HDGFL3: variants seen among roughly 807,000 people sequenced by gnomAD.
HDGFL3 encodes HDGF like 3, also known as hepatoma-derived growth factor-related protein 3.
A neutral mutation model predicts 27.6 loss-of-function variants in HDGFL3; 6 were observed. That is an observed-to-expected ratio of 0.22 (90% confidence interval 0.12 to 0.43). HDGFL3 has a LOEUF of 0.43. HDGFL3 is among the 20% of genes least tolerant of loss of function. The pLI, the probability that HDGFL3 is intolerant of heterozygous loss-of-function variation, is 1.00. For missense variants in HDGFL3, 207 were observed against 250.1 expected (o/e 0.83, Z 1.16); for synonymous variants, 88 against 88.9 (o/e 0.99, Z 0.05).
chr15:83,123,652 A>G (rs1167825185), downstream of HDGFL3, among the ~76,000 whole-genome samples: 1 of 152,222 alleles, frequency 6.6e-6, no homozygotes, highest in African/African-American at 2.4e-5. Flanking sequence ...GACACCTTCT[A>G]TGTAAACTCA....
At chr15:83,157,876 G>C in intron 3 of HDGFL3, 27 bp downstream of exon 3, 1 of 1,599,382 alleles carries the variant, frequency 6.3e-7, no homozygotes, top group Non-Finnish European at 8.5e-7. Context: ...ATGAGATATA[G>C]CAAGTGACAA....
At chr15:83,163,811 C>A (rs529837382) in intron 2 of HDGFL3, 188 bp downstream of exon 2, 1 of 549,018 alleles carries the variant, frequency 1.8e-6, no homozygotes, top group African/African-American at 2.0e-5. Flanking sequence ...AGCAAAGATA[C>A]GCTTTTAGTC....
rs1300541974 is a variant in HDGFL3 at position 83,133,282 on chromosome 15, T to C, written c.*5988A>G. ...TATTAGCAAAAGACCCTGGCTATCATCCCAATGGTCACCTAAGTTTTCTGC... is the reference window on the plus strand; with the variant it reads ...TATTAGCAAAAGACCCTGGCTATCACCCCAATGGTCACCTAAGTTTTCTGC... On this transcript the variant is annotated 3_prime_UTR_variant, in exon 6 of 6. Coordinates refer to ENST00000299633, the MANE Select transcript of HDGFL3 (RefSeq NM_016073.4). 6.6e-6 allele frequency: 1 copy of C among 152,218 alleles called. No homozygotes were observed. The highest frequency in any genetic ancestry group is 1.9e-4 in the East Asian group (1 of 5,196). The allele number at this position is 152,218 out of a possible 1,614,324, so 9.4% of individuals were successfully genotyped here.
exon 4 of HDGFL3, chr15:83,114,592 G>A (rs996478449): frequency 3.3e-5 from 5 of 152,654 alleles, no homozygotes; most frequent in African/African-American, 1.2e-4. Flanking sequence ...CTTCTGGGGA[G>A]AATGTGAATG....
At chr15:83,194,346 G>C (rs184584376) in intron 1 of HDGFL3, among the ~76,000 whole-genome samples, 107 of 152,296 alleles carry the variant, frequency 7.0e-4, no homozygotes, top group African/African-American at 2.5e-3. Context: ...GAGGTACCCA[G>C]AGTAGCCCAC....
intron 3 of HDGFL3, among the ~76,000 whole-genome samples, chr15:83,121,760 T>C (rs997144797): frequency 6.6e-6 from 1 of 152,228 alleles, no homozygotes; most frequent in African/African-American, 2.4e-5. Flanking sequence ...TGAAGTTACA[T>C]AACCAGGGCT....
At chr15:83,122,067 G>C in intron 3 of HDGFL3, 4 of 1,277,876 alleles carry the variant, frequency 3.1e-6, no homozygotes. Flanking sequence ...TTTTTAAATA[G>C]AGAAGCTCTT....
intron 4 of HDGFL3, among the ~76,000 whole-genome samples, chr15:83,157,043 T>C (rs1401784631): frequency 6.6e-6 from 1 of 152,196 alleles, no homozygotes; most frequent in Admixed American, 6.5e-5. Flanking sequence ...TGTGATGCAT[T>C]TACACATATA....
At chr15:83,189,641 C>T (rs2037487575) in intron 1 of HDGFL3, 3 of 152,148 alleles carry the variant, frequency 2.0e-5, no homozygotes, top group African/African-American at 7.2e-5. Flanking sequence ...ATTCATATCT[C>T]CCCCTCTAAA....
In HDGFL3 at chr15:83,137,631, T is replaced by C. The variant is rs1348673200; in HGVS notation, c.*1639A>G. The C allele has an allele frequency of 6.6e-6, 1 of 152,154 alleles. No homozygotes were observed. The highest frequency in any genetic ancestry group is 1.5e-5 in the Non-Finnish European group (1 of 67,994). 9.4% of individuals were successfully genotyped at this position (152,154 alleles called of 1,614,324 possible). A position where few individuals can be genotyped will look rare whatever the true frequency, so the allele number is the denominator to read the frequency against. Reference sequence around the variant, plus strand: ...TGAACTTTTCATGTTTGGGATTGTATGTTGAGTATACTAGAGAAAATCAGT... The same window carrying C: ...TGAACTTTTCATGTTTGGGATTGTACGTTGAGTATACTAGAGAAAATCAGT... On this transcript the variant is annotated 3_prime_UTR_variant, in exon 6 of 6. Transcript: ENST00000299633.
intron 1 of HDGFL3, among the ~76,000 whole-genome samples, chr15:83,175,531 G>C (rs1042400783): frequency 1.3e-5 from 2 of 152,088 alleles, no homozygotes; most frequent in African/African-American, 4.8e-5. Flanking sequence ...CTGTTTTCCT[G>C]ACTTTGTATT....
intron 1 of HDGFL3, among the ~76,000 whole-genome samples, chr15:83,183,057 G>T (rs2037399076): frequency 6.6e-6 from 1 of 152,178 alleles, no homozygotes. Context: ...TGAGACTAGT[G>T]TTAACAAATT....
At chr15:83,154,955 G>C (rs920011185) in intron 4 of HDGFL3, among the ~76,000 whole-genome samples, 2 of 152,096 alleles carry the variant, frequency 1.3e-5, no homozygotes, top group Non-Finnish European at 2.9e-5. Context: ...TACTCGCCTG[G>C]ACTCCTGGGC....
chr15:83,171,660 G>A (rs527766382), intron 1 of HDGFL3, among the ~76,000 whole-genome samples: 1 of 151,828 alleles, frequency 6.6e-6, no homozygotes, highest in East Asian at 1.9e-4. Flanking sequence ...AATACCGCAT[G>A]TTCTTACTTG....
At chr15:83,179,086 A>G (rs1408463853) in intron 1 of HDGFL3, 1 of 152,246 alleles carries the variant, frequency 6.6e-6, no homozygotes, top group Admixed American at 6.5e-5. Flanking sequence ...GCCAGTCTGT[A>G]GAATTATTCA....
chr15:83,145,897 C>CTTTTTTTTT lies in HDGFL3; in HGVS notation c.606+5309_606+5317dup, dbSNP rs3082058. ...TTCTCTCTCTCTCCCTTTCTTCTTC[C>CTTTTTTTTT]TTTTTTTTTTTTTTTTTTTTTTTTT... is the stretch of plus-strand genomic sequence containing the variant. On this transcript the variant is annotated intron_variant, in intron 5 of 5. Transcript: ENST00000299633. Among the ~76,000 whole-genome samples, 3 of 49,436 alleles carry CTTTTTTTTT rather than the reference C, an allele frequency of 6.1e-5. 1 individual carries two copies. The highest frequency in any genetic ancestry group is 1.0e-4 in the Non-Finnish European group (3 of 29,348). 32.4% of individuals were successfully genotyped at this position (49,436 alleles called of 152,430 possible).
intron 3 of HDGFL3, chr15:83,119,866 T>C: frequency 1.2e-6 from 1 of 833,512 alleles, no homozygotes; most frequent in Non-Finnish European, 1.8e-6. Context: ...TATGTCCTTC[T>C]GAATTGCTCC....
chr15:83,196,016 C>T lies in HDGFL3; in HGVS notation c.84+11315G>A, dbSNP rs948652733. ...CCATCCTGAAGTTACAAGTTATACA[C>T]ATTTATGTGCCAAATAAAGCCCTGA... On this transcript the variant is annotated intron_variant, in intron 1 of 5. Coordinates refer to ENST00000299633, the MANE Select transcript of HDGFL3 (RefSeq NM_016073.4). 2.0e-5 allele frequency among the ~76,000 whole-genome samples: 3 copies of T among 152,014 alleles called. No homozygotes were observed. In the South Asian group the frequency reaches 6.2e-4, roughly 32 times the overall value.
At chr15:83,143,607 A>G (rs2036828046) in intron 5 of HDGFL3, among the ~76,000 whole-genome samples, 1 of 152,166 alleles carries the variant, frequency 6.6e-6, no homozygotes, top group Non-Finnish European at 1.5e-5. Context: ...TAATGGTATT[A>G]AGGAGGTCCT....
Sources: allele counts gnomAD v4.1 joint callset (sites outside exome capture counted in the v4.1 genomes callset), GRCh38; gene constraint gnomAD v4.1.1; transcripts MANE v1.5; gene names NCBI Gene and HGNC (gene_info 2026-07-23, HGNC 2026-07-21).